The following CYTH3 variants were observed in gnomAD, a reference collection of about 807,000 sequenced individuals.
The protein encoded by CYTH3 is cytohesin-3.
A neutral mutation model predicts 55.1 loss-of-function variants in CYTH3; 23 were observed. The observed-to-expected ratio is 0.42, with a 90% CI of 0.30 to 0.59. CYTH3 has a LOEUF of 0.59. CYTH3 is among the 20% of genes least tolerant of loss of function. The pLI is 0.20. For synonymous variants in CYTH3, 249 were observed against 194.9 expected (o/e 1.28, Z -2.31); for missense variants, 413 against 524.8 (o/e 0.79, Z 2.08).
intron 4 of CYTH3, among the ~76,000 whole-genome samples, chr7:6,178,814 G>A (rs531223107): frequency 6.6e-6 from 1 of 152,284 alleles, no homozygotes; most frequent in South Asian, 2.1e-4. Flanking sequence ...AATCTCAAAG[G>A]CAATGGGCTG....
rs1229399906 is a variant in CYTH3, at chr7:6,165,329, C to A, written c.1071G>T (p.Val357=). Residue 357 remains valine (V), a synonymous_variant, in exon 12 of 13, where the codon GTG becomes GTT. Coordinates refer to ENST00000350796, the MANE Select transcript of CYTH3 (RefSeq NM_004227.4). ...DGRVVEGNHV[V]YRISAPSPEE... ...CCGGGCTCGGGGCTGAGATCCGGTA[C>A]ACCACATGGTTCCCCTCTACCACGC... 2 of 1,614,118 alleles carry A rather than the reference C, an allele frequency of 1.2e-6. No individual in the cohort carries two copies. The highest frequency in any genetic ancestry group is 1.6e-4 in the Middle Eastern group (1 of 6,062).
At chr7:6,217,861 T>C (rs1280456719) in intron 1 of CYTH3, among the ~76,000 whole-genome samples, 2 of 151,730 alleles carry the variant, frequency 1.3e-5, no homozygotes, top group South Asian at 2.1e-4. Flanking sequence ...ACTCTGCAAA[T>C]AGAATTAAGA....
At chr7:6,245,885 C>T (rs1026453788) in intron 1 of CYTH3, among the ~76,000 whole-genome samples, 6 of 152,106 alleles carry the variant, frequency 3.9e-5, no homozygotes, top group African/African-American at 1.4e-4. Flanking sequence ...GCCTGGGCAG[C>T]AAGAGTGAAA....
intron 5 of CYTH3, 73 bp downstream of exon 5, chr7:6,177,750 T>C (rs1054959114): frequency 5.1e-5 from 61 of 1,185,978 alleles, no homozygotes; most frequent in Non-Finnish European, 7.4e-5. Context: ...GCCCCGAAAG[T>C]GGAGCGTGAG....
chr7:6,179,468 T>G (rs764158376), intron 4 of CYTH3, among the ~76,000 whole-genome samples: 23 of 152,152 alleles, frequency 1.5e-4, no homozygotes, highest in Non-Finnish European at 2.6e-4. Context: ...CATTTAGAAT[T>G]TGTGCACCAT....
chr7:6,242,794 C>T (rs1779708637), intron 1 of CYTH3, among the ~76,000 whole-genome samples: 1 of 152,138 alleles, frequency 6.6e-6, no homozygotes, highest in African/African-American at 2.4e-5. Flanking sequence ...ATACTACATT[C>T]AACACCATCC....
At chr7:6,195,181 G>C (rs1040472531) in intron 1 of CYTH3, among the ~76,000 whole-genome samples, 2 of 151,986 alleles carry the variant, frequency 1.3e-5, no homozygotes, top group African/African-American at 4.8e-5. Flanking sequence ...GGGTACTGTA[G>C]GTACTGTGAT....
At chr7:6,272,409 C>CGGGGGGGGGGGGGGGGG in intron 1 of CYTH3, 65 bp downstream of exon 1, 58 of 1,212,286 alleles carry the variant, frequency 4.8e-5, no homozygotes, top group African/African-American at 8.2e-5. Context: ...GCCGCGCCCT[C>CGGGGGGGGGGGGGGGGG]GACCCCCAGC....
chr7:6,270,401 A>C (rs533776027), intron 1 of CYTH3, among the ~76,000 whole-genome samples: 32 of 152,364 alleles, frequency 2.1e-4, no homozygotes, highest in South Asian at 1.9e-3. Context: ...TCAATAAATA[A>C]ATCTTCATTG....
chr7:6,214,863 G>A (rs972118494), intron 1 of CYTH3, among the ~76,000 whole-genome samples: 5 of 151,652 alleles, frequency 3.3e-5, no homozygotes, highest in African/African-American at 9.7e-5. Context: ...GTGGCTCCTC[G>A]CAACCACAGG....
Position 6,171,084 on chromosome 7 carries a change from C to T in CYTH3, c.563-106G>A. The stretch of plus-strand genomic sequence containing the variant: ...AGAGGTGCCCGGCCCACAGGTCGTC[C>T]TCGCTCAGGGAAGGCAGGTCCCCAG... On this transcript the variant is annotated intron_variant, in intron 7 of 12. Transcript: ENST00000350796. The surrounding 1 kb of genome is among the most constrained non-coding windows in gnomAD (Gnocchi z 6.7). The T allele has an allele frequency of 6.3e-7, 1 of 1,587,556 alleles. No homozygotes were observed. Among genetic ancestry groups the T allele is most frequent in the Non-Finnish European group, 8.6e-7 (1 of 1,160,914 alleles).
At chr7:6,228,378 G>C (rs930123683) in intron 1 of CYTH3, among the ~76,000 whole-genome samples, 1 of 152,172 alleles carries the variant, frequency 6.6e-6, no homozygotes, top group African/African-American at 2.4e-5. Context: ...CCTCTGGCCA[G>C]GGCCCTGTTC....
At chr7:6,181,953 T>A (rs938605636) in intron 4 of CYTH3, among the ~76,000 whole-genome samples, 1 of 152,234 alleles carries the variant, frequency 6.6e-6, no homozygotes, top group Non-Finnish European at 1.5e-5. Flanking sequence ...ATAAGAAACA[T>A]CCTATCGTAT....
chr7:6,208,682 T>A (rs1784255193), intron 1 of CYTH3, among the ~76,000 whole-genome samples: 1 of 152,206 alleles, frequency 6.6e-6, no homozygotes, highest in Non-Finnish European at 1.5e-5. Flanking sequence ...TATCTGGGAC[T>A]ACAGGAGCCT....
intron 5 of CYTH3, among the ~76,000 whole-genome samples, chr7:6,175,913 T>C (rs900457965): frequency 6.6e-6 from 1 of 152,132 alleles, no homozygotes; most frequent in Admixed American, 6.5e-5. Flanking sequence ...TGTGGTTATT[T>C]TGGGTCCCTT....
At chr7:6,165,508 G>C (rs770292584) in intron 11 of CYTH3, 37 bp downstream of exon 11, 1 of 1,610,986 alleles carries the variant, frequency 6.2e-7, no homozygotes, top group Non-Finnish European at 8.5e-7. Flanking sequence ...GCTCCCAGGT[G>C]GCTGGCAGGA....
chr7:6,170,704 G>C lies in CYTH3; in HGVS notation c.712-58C>G. ...GACTCGGAGGAAAATGGCTGGCCGG[G>C]CAGAAAGCTCAGCGGGACCAGGGCG... On this transcript the variant is annotated intron_variant, in intron 8 of 12. Coordinates refer to ENST00000350796, the MANE Select transcript of CYTH3 (RefSeq NM_004227.4). The surrounding 1 kb of genome is among the most constrained non-coding windows in gnomAD (Gnocchi z 7.8). 1 of 1,583,828 alleles carries C rather than the reference G, an allele frequency of 6.3e-7. No individual in the cohort carries two copies. Among genetic ancestry groups the C allele is most frequent in the Non-Finnish European group, 8.6e-7 (1 of 1,162,982 alleles).
chr7:6,192,573 C>T (rs1269481944), intron 1 of CYTH3, among the ~76,000 whole-genome samples: 2 of 142,714 alleles, frequency 1.4e-5, no homozygotes, highest in African/African-American at 5.3e-5. Context: ...CGCTCTGTCG[C>T]CAGGCTGGAG....
At chr7:6,259,852 C>T (rs1184712030) in intron 1 of CYTH3, among the ~76,000 whole-genome samples, 1 of 81,526 alleles carries the variant, frequency 1.2e-5, no homozygotes, top group East Asian at 3.6e-4. Context: ...TTTTTTAAGA[C>T]GGATTTTCGC....
Sources: allele counts gnomAD v4.1 joint callset (sites outside exome capture counted in the v4.1 genomes callset), GRCh38; gene constraint gnomAD v4.1.1; non-coding constraint Gnocchi (gnomAD v3.1); transcripts MANE v1.5; gene names NCBI Gene and HGNC (gene_info 2026-07-23, HGNC 2026-07-21).